OSBPL10: variants seen among roughly 807,000 people sequenced by gnomAD.
OSBPL10 encodes oxysterol-binding protein-related protein 10.
In OSBPL10, 49 loss-of-function variants were observed where a neutral mutation model predicts 81.7. The ratio of observed to expected loss-of-function variants is 0.60; its 90% CI spans 0.48 to 0.76. OSBPL10 has a LOEUF of 0.76. Ranked by LOEUF, OSBPL10 falls within the 30% of genes least tolerant of loss-of-function variation. The pLI is 0.00. For synonymous variants in OSBPL10, 419 were observed against 383.6 expected (o/e 1.09, Z -1.08); for missense variants, 923 against 987.8 (o/e 0.93, Z 0.88).
intron 4 of OSBPL10, among the ~76,000 whole-genome samples, chr3:31,783,085 T>C (rs1309878875): frequency 6.8e-6 from 1 of 147,536 alleles, no homozygotes; most frequent in Non-Finnish European, 1.5e-5. Flanking sequence ...GATATCTATA[T>C]GGATATATCT....
At chr3:32,065,603 C>T (rs1378460995) in intron 1 of OSBPL10, among the ~76,000 whole-genome samples, 2 of 91,154 alleles carry the variant, frequency 2.2e-5, no homozygotes, top group African/African-American at 5.6e-5. Flanking sequence ...ATCCCCAGGT[C>T]AGGCACAGTG....
chr3:31,808,994 C>T (rs1313280611), intron 4 of OSBPL10, among the ~76,000 whole-genome samples: 2 of 152,154 alleles, frequency 1.3e-5, no homozygotes, highest in Non-Finnish European at 2.9e-5. Flanking sequence ...ACACATACAT[C>T]CATATGTACT....
At chr3:31,857,764 C>A (rs1469304657) in intron 3 of OSBPL10, among the ~76,000 whole-genome samples, 29 of 588 alleles carry the variant, frequency 0.049, no homozygotes, top group African/African-American at 0.14. Flanking sequence ...GTGTGTCCTT[C>A]CAAAGATTGG....
chr3:31,888,920 T>C (rs192930928), intron 1 of OSBPL10, among the ~76,000 whole-genome samples: 1 of 152,028 alleles, frequency 6.6e-6, no homozygotes, highest in Non-Finnish European at 1.5e-5. Context: ...TGAGACTCCA[T>C]CTCAGGAAAA....
intron 8 of OSBPL10, among the ~76,000 whole-genome samples, chr3:31,680,979 A>G (rs1700625903): frequency 6.7e-6 from 1 of 150,296 alleles, no homozygotes; most frequent in Admixed American, 6.6e-5. Context: ...ATAACCTAAG[A>G]GGAGGATAAT....
At chr3:31,933,358 T>G (rs368434316) in intron 1 of OSBPL10, among the ~76,000 whole-genome samples, 1 of 152,178 alleles carries the variant, frequency 6.6e-6, no homozygotes, top group Non-Finnish European at 1.5e-5. Flanking sequence ...TTTTATATTC[T>G]AGAGATTTGA....
Position 31,779,573 on chromosome 3 carries a change from C to T in OSBPL10, c.730-31453G>A, listed in dbSNP as rs572126214. ...AATTTATAAAACAATTATTACTAGGCGTAAGAAATTAGATAGCAATACAAT... is the reference window on the plus strand; with the variant it reads ...AATTTATAAAACAATTATTACTAGGTGTAAGAAATTAGATAGCAATACAAT... On this transcript the variant is annotated intron_variant, in intron 4 of 11. Coordinates refer to ENST00000396556, the MANE Select transcript of OSBPL10 (RefSeq NM_017784.5). 9.2e-5 allele frequency among the ~76,000 whole-genome samples: 14 copies of T among 152,208 alleles called. No homozygotes were observed. The East Asian group carries it at 2.7e-3, about 29-fold the overall frequency.
At chr3:32,030,403 C>A (rs961205178) in intron 2 of OSBPL10, 3 of 638,232 alleles carry the variant, frequency 4.7e-6, no homozygotes, top group African/African-American at 1.8e-5. Context: ...TGTGACCCAG[C>A]ATGCTGCTGG....
chr3:31,714,417 C>A (rs993702585), intron 6 of OSBPL10, among the ~76,000 whole-genome samples: 1 of 152,034 alleles, frequency 6.6e-6, no homozygotes, highest in Admixed American at 6.6e-5. Context: ...GAGCTGGCAG[C>A]AGGCAGGTAA....
rs573960019 is a variant in OSBPL10, at chr3:31,751,151, AC to A, written c.730-3032del. On this transcript the variant is annotated intron_variant, in intron 4 of 11. Coordinates refer to ENST00000396556, the MANE Select transcript of OSBPL10 (RefSeq NM_017784.5). ...CAAAACCACATCCCTACCAAAAAAA[AC>A]AACAAAAACAAACAAACAACAACAA... Among the ~76,000 whole-genome samples, 301 of 152,150 alleles carry A rather than the reference AC, an allele frequency of 2.0e-3. 1 individual carries two copies. Among genetic ancestry groups the A allele is most frequent in the East Asian group, 5.8e-3 (30 of 5,164 alleles).
chr3:31,792,860 CTGTGTGT>C (rs1164914169), intron 4 of OSBPL10, among the ~76,000 whole-genome samples: 15 of 126,740 alleles, frequency 1.2e-4, no homozygotes, highest in African/African-American at 4.6e-4. Context: ...TCTAGGCACT[CTGTGTGT>C]GTGTGTGTGT....
At chr3:31,942,271 G>T in intron 1 of OSBPL10, among the ~76,000 whole-genome samples, 1 of 152,054 alleles carries the variant, frequency 6.6e-6, no homozygotes, top group Non-Finnish European at 1.5e-5. Context: ...TAAAAAGCGG[G>T]CTGAGCGCAG....
At chr3:31,983,296 C>A (rs1269277440), upstream of OSBPL10, among the ~76,000 whole-genome samples, 1 of 152,102 alleles carries the variant, frequency 6.6e-6, no homozygotes, top group Non-Finnish European at 1.5e-5. Context: ...AACAACATGC[C>A]TTTTATTGGA....
intron 4 of OSBPL10, among the ~76,000 whole-genome samples, chr3:31,793,811 T>C (rs899696997): frequency 1.3e-5 from 2 of 152,236 alleles, no homozygotes; most frequent in Non-Finnish European, 2.9e-5. Context: ...GCCCTTCTTA[T>C]CTGTGAACTC....
rs374289759 is a variant in OSBPL10 at position 31,754,305 on chromosome 3, A to C, written c.730-6185T>G. On this transcript the variant is annotated intron_variant, in intron 4 of 11. Coordinates refer to ENST00000396556, the MANE Select transcript of OSBPL10 (RefSeq NM_017784.5). The stretch of plus-strand genomic sequence containing the variant: ...TTAAGCCTGTTTTAGTGAGTGGAGA[A>C]AGAAAACCCCCAACTAGTGTACAGA... Among the ~76,000 whole-genome samples the C allele has an allele frequency of 1.6e-4, 24 of 152,240 alleles. No individual in the cohort carries two copies. The South Asian group carries it at 4.6e-3, about 29-fold the overall frequency.
rs1700078590 is a variant in OSBPL10, at chr3:31,661,884, T to C, written c.*188A>G. Reference sequence around the variant, plus strand: ...ACACACACGTGCCCCGAATGGCTCTTGAATAAATTCATTCCTCTAGCAGAG... The same window carrying C: ...ACACACACGTGCCCCGAATGGCTCTCGAATAAATTCATTCCTCTAGCAGAG... On this transcript the variant is annotated 3_prime_UTR_variant, in exon 12 of 12. Coordinates refer to ENST00000396556, the MANE Select transcript of OSBPL10 (RefSeq NM_017784.5). The C allele has an allele frequency of 1.2e-6, 1 of 810,008 alleles. No individual in the cohort carries two copies. The highest frequency in any genetic ancestry group is 1.9e-5 in the South Asian group (1 of 51,904). 50.2% of individuals were successfully genotyped at this position (810,008 alleles called of 1,614,324 possible).
intron 2 of OSBPL10, among the ~76,000 whole-genome samples, chr3:32,014,476 CA>C (rs1412480689): frequency 4.6e-5 from 7 of 152,230 alleles, no homozygotes; most frequent in African/African-American, 1.7e-4. Context: ...ATGACAAACC[CA>C]CAGCCAATAT....
chr3:32,019,133 C>A (rs933266779), intron 2 of OSBPL10, among the ~76,000 whole-genome samples: 4 of 152,166 alleles, frequency 2.6e-5, no homozygotes, highest in Admixed American at 1.3e-4. Context: ...CATCACCCAC[C>A]CCCCCAAATT....
In OSBPL10 at chr3:32,009,212, A is replaced by G. The variant is rs147507448; in HGVS notation, n.298+37279T>C. Among the ~76,000 whole-genome samples the G allele has an allele frequency of 9.8e-3, 1,499 of 152,340 alleles. 32 individuals are homozygous for G. Among genetic ancestry groups the G allele is most frequent in the African/African-American group, 0.034 (1,412 of 41,580 alleles). On this transcript the variant is annotated intron_variant and non_coding_transcript_variant, in intron 2 of 3. Coordinates refer to the OSBPL10 transcript ENST00000479173. ...ATCCTTTTTGCAGAACAATAAAGGAATCCTTTTCCAAGGCCCTGTGAAGGT... is the reference window on the plus strand; with the variant it reads ...ATCCTTTTTGCAGAACAATAAAGGAGTCCTTTTCCAAGGCCCTGTGAAGGT...
Sources: gnomAD v4.1 joint callset for allele counts (sites outside exome capture counted in the v4.1 genomes callset) on GRCh38, gnomAD v4.1.1 for gene constraint, MANE v1.5 for transcripts, NCBI Gene and HGNC (gene_info 2026-07-23, HGNC 2026-07-21) for gene names.